The following SUMF2 variants were observed in gnomAD, a reference collection of about 807,000 sequenced individuals.
SUMF2 encodes the protein inactive C-alpha-formylglycine-generating enzyme 2.
Under a neutral mutation model 44.8 loss-of-function variants are expected in SUMF2, and 45 were observed. The ratio of observed to expected loss-of-function variants is 1.00; its 90% CI spans 0.79 to 1.29. SUMF2 has a LOEUF of 1.29. SUMF2 is among the 50% of genes most tolerant of loss of function. The pLI is 0.00. For synonymous variants in SUMF2, 148 were observed against 150.4 expected, an observed-to-expected ratio of 0.98 and a Z score of 0.12; for missense variants, 418 against 389.9, an observed-to-expected ratio of 1.07 and a Z score of -0.61.
intron 8 of SUMF2, chr7:56,078,879 A>C: frequency 2.1e-6 from 1 of 466,710 alleles, no homozygotes; most frequent in Non-Finnish European, 3.8e-6. Flanking sequence ...CTGACTCTTC[A>C]AACTGGTGGG....
chr7:56,083,681 C>T (rs1187036234), downstream of SUMF2: 9 of 1,585,850 alleles, frequency 5.7e-6, no homozygotes, highest in Non-Finnish European at 7.7e-6. Context: ...GTGACCTTCT[C>T]AGTGAGGTAG....
At chr7:56,079,381 A>T in intron 8 of SUMF2, 147 bp from the exon 9 acceptor site, 1 of 794,418 alleles carries the variant, frequency 1.3e-6, no homozygotes, top group Non-Finnish European at 2.0e-6. Context: ...ACCTGTCCTC[A>T]CACCAGGCTT....
chr7:56,070,789 T>C (rs1795105595), intron 2 of SUMF2, among the ~76,000 whole-genome samples: 1 of 152,130 alleles, frequency 6.6e-6, no homozygotes, highest in Admixed American at 6.6e-5. Context: ...CAAAATATGG[T>C]ATGTCCATAC....
intron 5 of SUMF2, among the ~76,000 whole-genome samples, chr7:56,076,187 C>T (rs555602712): frequency 4.6e-5 from 7 of 152,284 alleles, no homozygotes; most frequent in Non-Finnish European, 8.8e-5. Context: ...CCACCTCGCC[C>T]GGCTAATTTT....
At chr7:56,087,735 G>A in the SUMF2 span, 209 of 1,613,380 alleles carry the variant, frequency 1.3e-4, 5 homozygotes, top group South Asian at 8.2e-4. Context: ...CTCCTGGCTC[G>A]TGGGCTTGTG....
chr7:56,085,283 A>C (rs1441218611), downstream of SUMF2, among the ~76,000 whole-genome samples: 1 of 151,708 alleles, frequency 6.6e-6, no homozygotes, highest in African/African-American at 2.4e-5. Context: ...TTTTTTGTAG[A>C]GATGGGGTCT....
At position 56,064,383 on chromosome 7, in the gene SUMF2, GTGAACCGGCCGTCCATCC is replaced by G. The variant is rs1794599711; in HGVS notation, c.67+8_67+25del. On this transcript the variant is annotated splice_donor_region_variant and intron_variant, in intron 1 of 8. Coordinates refer to ENST00000434526, the MANE Select transcript of SUMF2 (RefSeq NM_015411.4). ...TCGGCGCGTGGCTCAAGCTAGGTCA[GTGAACCGGCCGTCCATCC>G]TGGGGGCGCTGGGAAGGGGATGGGG... 1 of 1,601,402 alleles carries G rather than the reference GTGAACCGGCCGTCCATCC, an allele frequency of 6.2e-7. No homozygotes were observed. Among genetic ancestry groups the G allele is most frequent in the African/African-American group, 1.3e-5 (1 of 74,610 alleles).
Sources: gnomAD v4.1 joint callset for allele counts (sites outside exome capture counted in the v4.1 genomes callset) on GRCh38, gnomAD v4.1.1 for gene constraint, MANE v1.5 for transcripts, NCBI Gene and HGNC (gene_info 2026-07-23, HGNC 2026-07-21) for gene names.